Variants in APBA1 observed in about 807,000 individuals in gnomAD.
APBA1 encodes amyloid beta precursor protein binding family A member 1, also known as amyloid-beta A4 precursor protein-binding family A member 1.
In APBA1, 55 loss-of-function variants were observed where a neutral mutation model predicts 86.6. The ratio of observed to expected loss-of-function variants is 0.64; its 90% CI spans 0.51 to 0.80. The LOEUF is 0.80. Among genes scored for constraint, APBA1 ranks in the 30% least tolerant of loss-of-function variants. The pLI is 0.00. For missense variants in APBA1, 1,090 were observed against 1,183.0 expected (o/e 0.92, Z 1.15); for synonymous variants, 511 against 493.9 (o/e 1.03, Z -0.46).
At chr9:69,469,441 GAAATT>G (rs1835331494) in intron 4 of APBA1, among the ~76,000 whole-genome samples, 1 of 152,180 alleles carries the variant, frequency 6.6e-6, no homozygotes, top group African/African-American at 2.4e-5. Context: ...TTGAAACAGA[GAAATT>G]AAAAGTGTTT....
intron 2 of APBA1, among the ~76,000 whole-genome samples, chr9:69,488,279 G>C (rs2133855748): frequency 6.6e-6 from 1 of 151,994 alleles, no homozygotes; most frequent in South Asian, 2.1e-4. Context: ...TGCTACAAAA[G>C]TCACATGTGA....
chr9:69,504,555 C>T (rs1291486312), intron 2 of APBA1, among the ~76,000 whole-genome samples: 2 of 151,988 alleles, frequency 1.3e-5, no homozygotes, highest in Non-Finnish European at 2.9e-5. Flanking sequence ...ATGGGGTGAT[C>T]AGGTGGAAAG....
intron 2 of APBA1, among the ~76,000 whole-genome samples, chr9:69,497,524 C>T (rs571635068): frequency 1.3e-5 from 2 of 152,260 alleles, no homozygotes; most frequent in African/African-American, 4.8e-5. Context: ...CACTCTCCAT[C>T]CCCAAAGTCC....
chr9:69,669,377 A>C (rs1296106467), intron 1 of APBA1, among the ~76,000 whole-genome samples: 1 of 147,086 alleles, frequency 6.8e-6, no homozygotes, highest in Non-Finnish European at 1.5e-5. Flanking sequence ...AAAACAAAAC[A>C]ACAACAACAA....
chr9:69,452,407 A>G (rs2133809964), intron 8 of APBA1, 106 bp from the exon 9 acceptor site: 2 of 1,115,962 alleles, frequency 1.8e-6, no homozygotes, highest in South Asian at 3.0e-5. Flanking sequence ...GTCTGAGGAA[A>G]CCCTAGACAT....
intron 8 of APBA1, among the ~76,000 whole-genome samples, chr9:69,455,053 A>G (rs1349365318): frequency 6.6e-6 from 1 of 152,178 alleles, no homozygotes; most frequent in Non-Finnish European, 1.5e-5. Context: ...GCCCACAGCC[A>G]CGACAGCTCT....
intron 2 of APBA1, among the ~76,000 whole-genome samples, chr9:69,493,047 C>T (rs1363237642): frequency 6.6e-6 from 1 of 152,050 alleles, no homozygotes; most frequent in Non-Finnish European, 1.5e-5. Context: ...AGCCAATATG[C>T]TGCATGAGAC....
At chr9:69,661,088 G>T (rs1823744877) in intron 1 of APBA1, among the ~76,000 whole-genome samples, 1 of 152,206 alleles carries the variant, frequency 6.6e-6, no homozygotes, top group Non-Finnish European at 1.5e-5. Flanking sequence ...TATGAAATTT[G>T]AATTTTAGCA....
At chr9:69,475,373 A>T (rs531774546) in intron 3 of APBA1, among the ~76,000 whole-genome samples, 1 of 152,332 alleles carries the variant, frequency 6.6e-6, no homozygotes, top group Non-Finnish European at 1.5e-5. Flanking sequence ...CCACATTTCC[A>T]GGGTTTGACA....
intron 1 of APBA1, among the ~76,000 whole-genome samples, chr9:69,604,741 TG>T (rs1156543593): frequency 7.8e-6 from 1 of 128,354 alleles, no homozygotes; most frequent in African/African-American, 3.5e-5. Flanking sequence ...TGGGCACACA[TG>T]CACACACATG....
chr9:69,531,746 T>A (rs1269669751), intron 1 of APBA1, among the ~76,000 whole-genome samples: 1 of 152,154 alleles, frequency 6.6e-6, no homozygotes, highest in African/African-American at 2.4e-5. Flanking sequence ...CAGAGAGAAC[T>A]CTTTTCTCTC....
At chr9:69,639,611 C>G (rs761079106) in intron 1 of APBA1, among the ~76,000 whole-genome samples, 6 of 152,140 alleles carry the variant, frequency 3.9e-5, no homozygotes, top group African/African-American at 7.2e-5. Flanking sequence ...ATTCACAGTA[C>G]TAAAGTCAAT....
At chr9:69,523,341 A>G (rs1387991278) in intron 1 of APBA1, among the ~76,000 whole-genome samples, 1 of 151,764 alleles carries the variant, frequency 6.6e-6, no homozygotes, top group Non-Finnish European at 1.5e-5. Flanking sequence ...AAAAGAGCAA[A>G]AGGCATCATA....
intron 1 of APBA1, among the ~76,000 whole-genome samples, chr9:69,529,073 C>G (rs1183959092): frequency 6.6e-6 from 1 of 152,022 alleles, no homozygotes; most frequent in African/African-American, 2.4e-5. Context: ...AAATTTATAC[C>G]AGAATATCAG....
intron 1 of APBA1, among the ~76,000 whole-genome samples, chr9:69,598,513 C>T (rs141072803): frequency 1.7e-3 from 261 of 151,722 alleles, no homozygotes; most frequent in African/African-American, 5.9e-3. Flanking sequence ...CAGGTAATGA[C>T]AGGTGTGGTC....
intron 1 of APBA1, among the ~76,000 whole-genome samples, chr9:69,637,594 C>A (rs1380273070): frequency 6.6e-6 from 1 of 152,128 alleles, no homozygotes; most frequent in Admixed American, 6.5e-5. Flanking sequence ...ATAGGTAAAA[C>A]AGATGAAATA....
chr9:69,545,150 A>C (rs554562046), intron 1 of APBA1, among the ~76,000 whole-genome samples: 1 of 152,360 alleles, frequency 6.6e-6, no homozygotes, highest in South Asian at 2.1e-4. Flanking sequence ...TGGTTTCATG[A>C]ATGGAGGAAC....
chr9:69,475,948 T>G, intron 3 of APBA1, 100 bp downstream of exon 3: 1 of 914,250 alleles, frequency 1.1e-6, no homozygotes, highest in Non-Finnish European at 1.8e-6. Flanking sequence ...CAGGGTAATG[T>G]GGGTCAGGAG....
intron 1 of APBA1, among the ~76,000 whole-genome samples, chr9:69,619,630 G>C (rs559586079): frequency 6.6e-6 from 1 of 152,126 alleles, no homozygotes. Context: ...TCAGACACAG[G>C]CTCCCTCCCC....
Sources: gnomAD v4.1 joint callset for allele counts (sites outside exome capture counted in the v4.1 genomes callset) on GRCh38, gnomAD v4.1.1 for gene constraint, MANE v1.5 for transcripts, NCBI Gene and HGNC (gene_info 2026-07-23, HGNC 2026-07-21) for gene names.